SMYD2: variants seen among roughly 807,000 people sequenced by gnomAD.
SMYD2 encodes SET and MYND domain containing 2, also known as N-lysine methyltransferase SMYD2.
Under a neutral mutation model 59.1 loss-of-function variants are expected in SMYD2, and 53 were observed. The observed-to-expected ratio is 0.90, with a 90% CI of 0.72 to 1.13. The LOEUF (loss-of-function observed/expected upper bound fraction) is 1.13. Ranked by LOEUF, SMYD2 falls within the 50% of genes most tolerant of loss-of-function variation. SMYD2 has a pLI of 0.00. For synonymous variants in SMYD2, 208 were observed against 198.8 expected (o/e 1.05, Z -0.39); for missense variants, 494 against 544.7 (o/e 0.91, Z 0.93).
chr1:214,299,858 G>A (rs913317428), intron 1 of SMYD2, among the ~76,000 whole-genome samples: 2 of 151,958 alleles, frequency 1.3e-5, no homozygotes, highest in South Asian at 2.1e-4. Flanking sequence ...TCCCCTCCTC[G>A]GCCTCCCAAA....
intron 10 of SMYD2, 106 bp from the exon 11 acceptor site, chr1:214,334,094 C>A: frequency 1.1e-6 from 1 of 945,566 alleles, no homozygotes; most frequent in Non-Finnish European, 1.7e-6. Flanking sequence ...CGCTGGTGGG[C>A]AGAGGTTGGC....
intron 1 of SMYD2, among the ~76,000 whole-genome samples, chr1:214,286,740 C>T (rs1656552644): frequency 7.5e-6 from 1 of 134,206 alleles, no homozygotes; most frequent in Non-Finnish European, 1.6e-5. Flanking sequence ...TGCACTCTAG[C>T]CTCCATCTCA....
At position 214,337,001 on chromosome 1, in the gene SMYD2, G is replaced by T. The variant is rs1260159763; in HGVS notation, c.*217G>T. Reference sequence around the variant, plus strand: ...TTTTGAATGCTTTTGTTTCCTAAGAGATAATGGCATGGTTTCATATGTTAT... The same window carrying T: ...TTTTGAATGCTTTTGTTTCCTAAGATATAATGGCATGGTTTCATATGTTAT... On this transcript the variant is annotated 3_prime_UTR_variant, in exon 12 of 12. Coordinates refer to ENST00000366957, the MANE Select transcript of SMYD2 (RefSeq NM_020197.3). 2 of 482,596 alleles carry T rather than the reference G, an allele frequency of 4.1e-6. No homozygotes were observed. Among genetic ancestry groups the T allele is most frequent in the Non-Finnish European group, 7.3e-6 (2 of 275,562 alleles). The allele number at this position is 482,596 out of a possible 1,614,324, so 29.9% of individuals were successfully genotyped here. A position where few individuals can be genotyped will look rare whatever the true frequency, so the allele number is the denominator to read the frequency against.
At chr1:214,299,883 G>A (rs1656794055) in intron 1 of SMYD2, among the ~76,000 whole-genome samples, 1 of 152,320 alleles carries the variant, frequency 6.6e-6, no homozygotes, top group Admixed American at 6.5e-5. Context: ...TGGGATTACA[G>A]GCGTGAGCCA....
chr1:214,321,164 G>A (rs977450258), intron 5 of SMYD2, among the ~76,000 whole-genome samples: 5 of 152,088 alleles, frequency 3.3e-5, no homozygotes, highest in African/African-American at 4.8e-5. Context: ...ACAAGTAGAA[G>A]TATATTTGTG....
At chr1:214,289,518 T>TCAAGGCATGCTTTTATCTGGTATATG (rs1337185060) in intron 1 of SMYD2, among the ~76,000 whole-genome samples, 1 of 152,204 alleles carries the variant, frequency 6.6e-6, no homozygotes, top group African/African-American at 2.4e-5. Context: ...ACTTCTGAGT[T>TCAAGGCATGCTTTTATCTGGTATATG]CAAGGCATGC....
At chr1:214,330,304 G>T (rs752798752) in intron 8 of SMYD2, 26 bp downstream of exon 8, 1 of 1,489,124 alleles carries the variant, frequency 6.7e-7, no homozygotes, top group Non-Finnish European at 9.3e-7. Flanking sequence ...GGGCAAGAGC[G>T]CTGACTGCAC....
chr1:214,320,337 C>T (rs1351774026), intron 5 of SMYD2, among the ~76,000 whole-genome samples: 10 of 152,100 alleles, frequency 6.6e-5, no homozygotes, highest in Admixed American at 6.5e-4. Flanking sequence ...AGTTGTCTTC[C>T]GAGTTGTGGA....
chr1:214,303,880 G>T (rs909626538), intron 1 of SMYD2, among the ~76,000 whole-genome samples: 2 of 152,250 alleles, frequency 1.3e-5, no homozygotes, highest in African/African-American at 4.8e-5. Context: ...TAGCCGCTTC[G>T]TGCTGTCGGT....
At chr1:214,291,540 C>A (rs4655242) in intron 1 of SMYD2, among the ~76,000 whole-genome samples, 132,685 of 152,286 alleles carry the variant, frequency 0.87, 58,355 homozygotes, top group African/African-American at 0.97. Flanking sequence ...CAGCATAAAA[C>A]TAGGCAGTTT....
chr1:214,309,074 T>C (rs1426281446), intron 2 of SMYD2, among the ~76,000 whole-genome samples: 1 of 152,186 alleles, frequency 6.6e-6, no homozygotes, highest in African/African-American at 2.4e-5. Flanking sequence ...ATCCTAGCCA[T>C]GGTGTATGTT....
chr1:214,334,432 T>G (rs1657404941), intron 11 of SMYD2, 124 bp downstream of exon 11: 2 of 865,918 alleles, frequency 2.3e-6, no homozygotes, highest in Non-Finnish European at 3.8e-6. Context: ...ACCCACCCTC[T>G]TGCCGTGGGA....
Position 214,331,054 on chromosome 1 carries a change from G to C in SMYD2, c.921G>C (p.Arg307Ser). 1 of 1,614,166 alleles carries C rather than the reference G, an allele frequency of 6.2e-7. No individual in the cohort carries two copies. Among genetic ancestry groups the C allele is most frequent in the Non-Finnish European group, 8.5e-7 (1 of 1,180,032 alleles). Residue 307 changes from arginine (R) to serine (S), a missense_variant, in exon 9 of 12, where the codon AGG (arginine) becomes AGC (serine). Physicochemically the swap from Arg to Ser is moderately radical, Grantham distance 110. Transcript: ENST00000366957. ...GCAACGTCATTGAAGAGTTCCGGAG[G>C]GCCAAGCACTATAAATATATCCTTT... The part of the protein sequence containing the change: ...YARNVIEEFR[R>S]AKHYKSPSEL...
chr1:214,331,932 A>T, intron 9 of SMYD2, 86 bp from the exon 10 acceptor site: 1 of 1,228,896 alleles, frequency 8.1e-7, no homozygotes. Context: ...GTGAGAGTGG[A>T]GTGGACGAAA....
rs575273114 is a variant in SMYD2, at chr1:214,294,406, G to A, written c.174-10781G>A. Among the ~76,000 whole-genome samples the A allele has an allele frequency of 4.6e-5, 7 of 152,316 alleles. No individual in the cohort carries two copies. The East Asian group carries it at 7.7e-4, about 17-fold the overall frequency. On this transcript the variant is annotated intron_variant, in intron 1 of 11. Transcript: ENST00000366957. Reference sequence around the variant, plus strand: ...TTCCAGGCCAGGCGCGGTGGCTTACGCCTATATTCCCAACACTTTGGGAGG... The same window carrying A: ...TTCCAGGCCAGGCGCGGTGGCTTACACCTATATTCCCAACACTTTGGGAGG...
chr1:214,330,111 G>A (rs554326101), intron 7 of SMYD2, 57 bp from the exon 8 acceptor site: 2 of 1,218,764 alleles, frequency 1.6e-6, no homozygotes, highest in South Asian at 1.5e-5. Flanking sequence ...GCACGGGAAT[G>A]ACAAGGATTG....
At chr1:214,331,527 T>C (rs1657353304) in intron 9 of SMYD2, 1 of 179,826 alleles carries the variant, frequency 5.6e-6, no homozygotes, top group African/African-American at 2.4e-5. Flanking sequence ...TCTAGGATTT[T>C]GTCCCAGCTC....
intron 3 of SMYD2, among the ~76,000 whole-genome samples, chr1:214,315,482 C>T (rs1273123550): frequency 6.6e-6 from 1 of 152,032 alleles, no homozygotes; most frequent in Non-Finnish European, 1.5e-5. Flanking sequence ...AGATGATAGT[C>T]ATCAATGGCT....
rs17729519 is a variant in SMYD2 at position 214,325,078 on chromosome 1, T to G, written c.602+370T>G. ...TGAAACATTAATTGCCAACCAAGAA[T>G]TGGCCACAAGCTTGAGTACAGACTA... On this transcript the variant is annotated intron_variant, in intron 6 of 11. Transcript: ENST00000366957. 5.3e-5 allele frequency among the ~76,000 whole-genome samples: 8 copies of G among 152,236 alleles called. 1 individual carries two copies. The highest frequency in any genetic ancestry group is 5.2e-4 in the Admixed American group (8 of 15,288).
Sources: gnomAD v4.1 joint callset for allele counts (sites outside exome capture counted in the v4.1 genomes callset) on GRCh38, gnomAD v4.1.1 for gene constraint, MANE v1.5 for transcripts, NCBI Gene and HGNC (gene_info 2026-07-23, HGNC 2026-07-21) for gene names.